Variants in PRR27 observed in about 807,000 individuals in gnomAD.
The protein encoded by PRR27 is proline-rich protein 27.
PRR27 carries 12 observed loss-of-function variants against 16.8 expected under a neutral mutation model. The observed-to-expected ratio is 0.71, with a 90% CI of 0.46 to 1.16. PRR27 has a LOEUF of 1.16. PRR27 is among the 50% of genes most tolerant of loss of function. The pLI is 0.00. For missense variants in PRR27, 277 were observed against 273.3 expected (o/e 1.01, Z -0.10); for synonymous variants, 100 against 98.4 (o/e 1.02, Z -0.10).
intron 1 of PRR27, among the ~76,000 whole-genome samples, chr4:70,155,835 T>C (rs528715974): frequency 2.0e-5 from 3 of 152,048 alleles, no homozygotes; most frequent in Admixed American, 6.5e-5. Flanking sequence ...CCAAAATCCA[T>C]CCAGCCAAAG....
rs1199119674 is a variant in PRR27, at chr4:70,163,954, G to A, written c.*1293G>A. 2 of 149,928 alleles carry A rather than the reference G, an allele frequency of 1.3e-5. No homozygotes were observed. The highest frequency in any genetic ancestry group is 4.9e-5 in the African/African-American group (2 of 40,598). The allele number at this position is 149,928 out of a possible 1,614,324, so 9.3% of individuals were successfully genotyped here. A position where few individuals can be genotyped will look rare whatever the true frequency, so the allele number is the denominator to read the frequency against. ...TCCAAGAACCTTTGCCCTGATGTAT[G>A]AATGACTAACTGCTTTTCTACTTCG... On this transcript the variant is annotated 3_prime_UTR_variant, in exon 5 of 5. Transcript: ENST00000344526.
rs1230863040 is a variant in PRR27, at chr4:70,163,225, C to G, written c.*564C>G. Reference sequence around the variant, plus strand: ...CATTTGATTTACTTCAAAAAATATACCCCCAAATCCTAATACTTCTAACCT... The same window carrying G: ...CATTTGATTTACTTCAAAAAATATAGCCCCAAATCCTAATACTTCTAACCT... On this transcript the variant is annotated 3_prime_UTR_variant, in exon 5 of 5. Transcript: ENST00000344526. 2.6e-5 allele frequency: 4 copies of G among 152,104 alleles called. No individual in the cohort carries two copies. Among genetic ancestry groups the G allele is most frequent in the Admixed American group, 2.6e-4 (4 of 15,238 alleles). The allele number at this position is 152,104 out of a possible 1,614,324, so 9.4% of individuals were successfully genotyped here.
rs971810835 is a variant in PRR27 at position 70,158,474 on chromosome 4, G to A, written c.222G>A (p.Ser74=). 27 of 1,613,940 alleles carry A rather than the reference G, an allele frequency of 1.7e-5. No homozygotes were observed. Among genetic ancestry groups the A allele is most frequent in the East Asian group, 2.2e-5 (1 of 44,888 alleles). The part of the protein sequence containing the change: ...GNTYTDTGLP[S]YPWILTSPGF... ...CTTACACTGACACAGGGTTACCTTCGTATCCCTGGATTCTAACTTCTCCTG... is the reference window on the plus strand; with the variant it reads ...CTTACACTGACACAGGGTTACCTTCATATCCCTGGATTCTAACTTCTCCTG... The change falls in exon 3 of 5, where the codon TCG becomes TCA. Residue 74 remains serine (S), a synonymous_variant. Transcript: ENST00000344526.
chr4:70,160,678 A>G (rs573825877), intron 3 of PRR27, among the ~76,000 whole-genome samples: 30 of 152,052 alleles, frequency 2.0e-4, no homozygotes, highest in African/African-American at 7.2e-4. Flanking sequence ...TGCAGTTTCT[A>G]TTATTCATCT....
chr4:70,154,934 C>A, intron 1 of PRR27: 1 of 370,604 alleles, frequency 2.7e-6, no homozygotes, highest in Non-Finnish European at 5.0e-6. Context: ...TAAGACAAAT[C>A]TGATGGCAAA....
At chr4:70,160,443 C>CTCTCTCGGTGTGTGTGTG (rs1298386504) in intron 3 of PRR27, among the ~76,000 whole-genome samples, 2 of 68,678 alleles carry the variant, frequency 2.9e-5, no homozygotes, top group Admixed American at 2.3e-4. Context: ...CTCTCTCTCT[C>CTCTCTCGGTGTGTGTGTG]TGTGTGTGTG....
intron 3 of PRR27, 143 bp downstream of exon 3, chr4:70,159,043 A>G: frequency 1.4e-6 from 1 of 726,540 alleles, no homozygotes; most frequent in Non-Finnish European, 2.3e-6. Context: ...CATACCACAA[A>G]CTACACATAT....
chr4:70,160,443 C>CTGTGTGTG (rs71210150), intron 3 of PRR27, among the ~76,000 whole-genome samples: 15 of 68,702 alleles, frequency 2.2e-4, no homozygotes, highest in Middle Eastern at 0.014. Context: ...CTCTCTCTCT[C>CTGTGTGTG]TGTGTGTGTG....
intron 4 of PRR27, 56 bp downstream of exon 4, chr4:70,161,686 A>C: frequency 7.8e-5 from 62 of 793,440 alleles, no homozygotes; most frequent in Non-Finnish European, 1.1e-4. Flanking sequence ...GTTAAATCTC[A>C]TAATCTGAAG....
chr4:70,161,429 C>T (rs1578222094), intron 3 of PRR27, among the ~76,000 whole-genome samples, 157 bp from the exon 4 acceptor site: 1 of 151,170 alleles, frequency 6.6e-6, no homozygotes, highest in East Asian at 1.9e-4. Flanking sequence ...AAAGCTAAAT[C>T]TAGTAGCAGT....
chr4:70,160,329 A>G (rs2109793150), intron 3 of PRR27, among the ~76,000 whole-genome samples: 1 of 151,642 alleles, frequency 6.6e-6, no homozygotes, highest in South Asian at 2.1e-4. Flanking sequence ...CTGTTTTCCC[A>G]TCAGGTACTC....
rs961892880 is a variant in PRR27 at position 70,164,349 on chromosome 4, C to G, written c.*1688C>G. On this transcript the variant is annotated 3_prime_UTR_variant, in exon 5 of 5. Coordinates refer to ENST00000344526, the MANE Select transcript of PRR27 (RefSeq NM_214711.4). ...GGAAGAAAAAATTTTTACAAACATT[C>G]AACATATTTTTATTTTGAAATAATT... 6.6e-6 allele frequency: 1 copy of G among 152,076 alleles called. No homozygotes were observed. The highest frequency in any genetic ancestry group is 2.1e-4 in the South Asian group (1 of 4,828). 9.4% of individuals were successfully genotyped at this position (152,076 alleles called of 1,614,324 possible). A position where few individuals can be genotyped will look rare whatever the true frequency, so the allele number is the denominator to read the frequency against.
intron 2 of PRR27, 126 bp downstream of exon 2, chr4:70,156,203 T>C (rs890232094): frequency 2.3e-5 from 11 of 483,726 alleles, no homozygotes; most frequent in Middle Eastern, 1.1e-3. Flanking sequence ...AAAATAATAG[T>C]GCTATTAAAC....
chr4:70,164,442 T>A lies in PRR27; in HGVS notation c.*1781T>A, dbSNP rs1388159677. ...GTTATGTATAGCCATGAGGACATGG[T>A]CTCAAAAAATGAGAAACTTTCTTAG... On this transcript the variant is annotated 3_prime_UTR_variant, in exon 5 of 5. Transcript: ENST00000344526. 2 of 152,158 alleles carry A rather than the reference T, an allele frequency of 1.3e-5. No homozygotes were observed. Among genetic ancestry groups the A allele is most frequent in the Non-Finnish European group, 2.9e-5 (2 of 68,020 alleles). The allele number at this position is 152,158 out of a possible 1,614,324, so 9.4% of individuals were successfully genotyped here. A position where few individuals can be genotyped will look rare whatever the true frequency, so the allele number is the denominator to read the frequency against.
chr4:70,156,733 A>C (rs1273411790), intron 2 of PRR27, among the ~76,000 whole-genome samples: 1 of 152,152 alleles, frequency 6.6e-6, no homozygotes, highest in Non-Finnish European at 1.5e-5. Context: ...TCAACATGAC[A>C]CTCTAGCAAA....
chr4:70,157,992 C>T (rs1010309330), intron 2 of PRR27, among the ~76,000 whole-genome samples: 1 of 152,082 alleles, frequency 6.6e-6, no homozygotes, highest in East Asian at 1.9e-4. Flanking sequence ...GAAGAAGGCC[C>T]GGAGCTACTA....
At chr4:70,159,365 G>T (rs529271083) in intron 3 of PRR27, among the ~76,000 whole-genome samples, 1 of 152,066 alleles carries the variant, frequency 6.6e-6, no homozygotes. Flanking sequence ...ATACAGATAC[G>T]CCGTAATTCA....
Position 70,166,528 on chromosome 4 carries a change from T to C in PRR27, c.*3867T>C, listed in dbSNP as rs1029853509. 4 of 152,040 alleles carry C rather than the reference T, an allele frequency of 2.6e-5. No individual in the cohort carries two copies. Among genetic ancestry groups the C allele is most frequent in the African/African-American group, 9.7e-5 (4 of 41,432 alleles). 9.4% of individuals were successfully genotyped at this position (152,040 alleles called of 1,614,324 possible). On this transcript the variant is annotated 3_prime_UTR_variant, in exon 5 of 5. Transcript: ENST00000344526. ...AATCCATATATGAGTATGACACCAA[T>C]AAGAACATTTTCTCTAACCATTTTG...
chr4:70,161,226 A>G (rs1160630352), intron 3 of PRR27, among the ~76,000 whole-genome samples: 1 of 145,524 alleles, frequency 6.9e-6, no homozygotes, highest in Non-Finnish European at 1.5e-5. Flanking sequence ...ATATATATAT[A>G]TATATATACC....
Sources: gnomAD v4.1 joint callset for allele counts (sites outside exome capture counted in the v4.1 genomes callset) on GRCh38, gnomAD v4.1.1 for gene constraint, MANE v1.5 for transcripts, NCBI Gene and HGNC (gene_info 2026-07-23, HGNC 2026-07-21) for gene names.